Variants in LZIC observed in about 807,000 individuals in gnomAD.
The protein encoded by LZIC is leucine zipper and CTNNBIP1 domain containing.
A neutral mutation model predicts 25.4 loss-of-function variants in LZIC; 28 were observed. That is an observed-to-expected ratio of 1.10 (90% CI 0.82 to 1.51). The LOEUF is 1.51. Ranked by LOEUF, LZIC falls within the 40% of genes most tolerant of loss-of-function variation. LZIC has a pLI of 0.00. For missense variants in LZIC, 170 were observed against 211.1 expected, an observed-to-expected ratio of 0.81 and a Z score of 1.21; for synonymous variants, 65 against 70.7, an observed-to-expected ratio of 0.92 and a Z score of 0.40.
chr1:9,939,026 T>C (rs145452300), intron 2 of LZIC, among the ~76,000 whole-genome samples: 27 of 152,272 alleles, frequency 1.8e-4, no homozygotes, highest in African/African-American at 6.3e-4. Context: ...GACTGACTAG[T>C]AAAGGGTATT....
At chr1:9,932,021 G>A (rs751878379) in intron 6 of LZIC, 49 bp from the exon 7 acceptor site, 3 of 1,444,930 alleles carry the variant, frequency 2.1e-6, no homozygotes, top group Admixed American at 3.6e-5. Context: ...TGTTACAGGT[G>A]GTTCTAGAAA....
At position 9,931,340 on chromosome 1, in the gene LZIC, G is replaced by A. The variant is rs191870975; in HGVS notation, c.514+551C>T. On this transcript the variant is annotated intron_variant, in intron 7 of 7. Coordinates refer to ENST00000377223, the MANE Select transcript of LZIC (RefSeq NM_032368.5). ...TGCAGTGGCACAATCTCGGCTCACTGCAAGCTCCGCCTCCTGGGTTCACAC... is the reference window on the plus strand; with the variant it reads ...TGCAGTGGCACAATCTCGGCTCACTACAAGCTCCGCCTCCTGGGTTCACAC... Among the ~76,000 whole-genome samples the A allele has an allele frequency of 7.9e-5, 12 of 152,158 alleles. 1 individual carries two copies. The highest frequency in any genetic ancestry group is 2.9e-4 in the African/African-American group (12 of 41,504).
intron 5 of LZIC, among the ~76,000 whole-genome samples, chr1:9,933,301 T>C (rs182698541): frequency 0.1 from 13,263 of 129,322 alleles, 844 homozygotes; most frequent in African/African-American, 0.15. Context: ...TATATATATA[T>C]ACACATACAT....
At position 9,938,796 on chromosome 1, in the gene LZIC, G is replaced by C. The variant is rs1015393506; in HGVS notation, c.-8-2169C>G. 2.0e-5 allele frequency among the ~76,000 whole-genome samples: 3 copies of C among 152,162 alleles called. No homozygotes were observed. The East Asian group carries it at 5.8e-4, about 29-fold the overall frequency. ...TTCGTTTTGTGACCCATGAAGGCAG[G>C]CCCTAACCATCTCAAGATTTATACA... On this transcript the variant is annotated intron_variant, in intron 2 of 7. Transcript: ENST00000377223.
At chr1:9,942,265 G>T (rs1231441991) in intron 2 of LZIC, among the ~76,000 whole-genome samples, 1 of 152,108 alleles carries the variant, frequency 6.6e-6, no homozygotes, top group Non-Finnish European at 1.5e-5. Context: ...AATTATATAT[G>T]ATTTTATTAT....
chr1:9,925,951 T>C (rs1315125592), downstream of LZIC, among the ~76,000 whole-genome samples: 2 of 140,838 alleles, frequency 1.4e-5, no homozygotes, highest in Non-Finnish European at 3.0e-5. Context: ...TGGAGTGCAG[T>C]TGTGCAATCT....
chr1:9,932,011 T>C, intron 6 of LZIC, 39 bp from the exon 7 acceptor site: 3 of 1,470,070 alleles, frequency 2.0e-6, no homozygotes, highest in Non-Finnish European at 2.8e-6. Flanking sequence ...AGTGGGTAAA[T>C]GTTACAGGTG....
intron 5 of LZIC, among the ~76,000 whole-genome samples, chr1:9,933,279 A>T (rs1210831926): frequency 0.015 from 1,743 of 118,156 alleles, 3 homozygotes; most frequent in East Asian, 0.023. Context: ...AAAAAAAAAA[A>T]AAAAATATAT....
intron 7 of LZIC, 62 bp from the exon 8 acceptor site, chr1:9,930,519 A>G (rs560238387): frequency 5.6e-6 from 9 of 1,600,354 alleles, no homozygotes; most frequent in South Asian, 1.1e-5. Flanking sequence ...AATTCCTGGT[A>G]AAGTGGGAAA....
At chr1:9,942,824 T>C in intron 1 of LZIC, 42 bp from the exon 2 acceptor site, 1 of 591,782 alleles carries the variant, frequency 1.7e-6, no homozygotes, top group South Asian at 1.5e-5. Flanking sequence ...TTATTTGCTA[T>C]ATATAAACTT....
chr1:9,942,281 G>C (rs1245285057), intron 2 of LZIC, among the ~76,000 whole-genome samples: 2 of 152,052 alleles, frequency 1.3e-5, no homozygotes, highest in Non-Finnish European at 2.9e-5. Context: ...ATTATAATAC[G>C]TTATCTCCTC....
chr1:9,936,136 A>AG (rs1375281973), intron 3 of LZIC, among the ~76,000 whole-genome samples: 2 of 152,222 alleles, frequency 1.3e-5, no homozygotes, highest in East Asian at 3.9e-4. Flanking sequence ...CTCAAAAAAA[A>AG]AAAAAAAAGC....
chr1:9,936,748 T>C, intron 2 of LZIC, 121 bp from the exon 3 acceptor site: 1 of 657,072 alleles, frequency 1.5e-6, no homozygotes, highest in Non-Finnish European at 2.6e-6. Context: ...TCGGAACATC[T>C]GGCCTAAAGT....
intron 5 of LZIC, among the ~76,000 whole-genome samples, chr1:9,933,946 G>C (rs1463188085): frequency 6.6e-6 from 1 of 151,812 alleles, no homozygotes; most frequent in Non-Finnish European, 1.5e-5. Flanking sequence ...CAAACAAAAG[G>C]CTAGGCGCAG....
chr1:9,932,619 G>T (rs574956559), intron 6 of LZIC, among the ~76,000 whole-genome samples, 184 bp downstream of exon 6: 1 of 146,434 alleles, frequency 6.8e-6, no homozygotes, highest in African/African-American at 2.5e-5. Flanking sequence ...GGAGGGGGAG[G>T]TTGCAGTGAG....
chr1:9,937,108 A>G (rs1490709444), intron 2 of LZIC, among the ~76,000 whole-genome samples: 1 of 149,860 alleles, frequency 6.7e-6, no homozygotes. Context: ...CTAAAGAGAA[A>G]AAAAGGCCAG....
downstream of LZIC, among the ~76,000 whole-genome samples, chr1:9,926,184 C>T (rs562666845): frequency 2.0e-5 from 3 of 152,094 alleles, no homozygotes; most frequent in East Asian, 5.8e-4. Flanking sequence ...GGCGCCCTGC[C>T]GACAGTTTTA....
At chr1:9,941,922 TAA>T (rs1451640967) in intron 2 of LZIC, among the ~76,000 whole-genome samples, 1 of 151,892 alleles carries the variant, frequency 6.6e-6, no homozygotes, top group Non-Finnish European at 1.5e-5. Context: ...TCTTTTTTTT[TAA>T]AATTTTTTTT....
rs942763976 is a variant in LZIC, at chr1:9,928,880, A to G, written c.*1519T>C. 1 of 149,224 alleles carries G rather than the reference A, an allele frequency of 6.7e-6. No individual in the cohort carries two copies. Among genetic ancestry groups the G allele is most frequent in the Admixed American group, 6.8e-5 (1 of 14,718 alleles). 9.2% of individuals were successfully genotyped at this position (149,224 alleles called of 1,614,324 possible). ...AAACTCTGTCTCAAAAAAAAAAAAA[A>G]AAAGAAAAGAAAATATTATGCTAAG... is the stretch of plus-strand genomic sequence containing the variant. On this transcript the variant is annotated 3_prime_UTR_variant, in exon 8 of 8. Transcript: ENST00000377223.
Sources: gnomAD v4.1 joint callset for allele counts (sites outside exome capture counted in the v4.1 genomes callset) on GRCh38, gnomAD v4.1.1 for gene constraint, MANE v1.5 for transcripts, NCBI Gene and HGNC (gene_info 2026-07-23, HGNC 2026-07-21) for gene names.